MTAP: variants seen among roughly 807,000 people sequenced by gnomAD.
MTAP encodes S-methyl-5'-thioadenosine phosphorylase.
In MTAP, 33 loss-of-function variants were observed where a neutral mutation model predicts 33.6. The observed-to-expected ratio is 0.98, with a 90% confidence interval of 0.74 to 1.31. The LOEUF is 1.31. Among genes scored for constraint, MTAP ranks in the 40% most tolerant of loss-of-function variants. The pLI is 0.00. For synonymous variants in MTAP, 148 were observed against 125.7 expected, an observed-to-expected ratio of 1.18 and a Z score of -1.19; for missense variants, 367 against 360.0, an observed-to-expected ratio of 1.02 and a Z score of -0.16.
At chr9:21,903,487 A>G (rs936837404) in intron 1 of MTAP, among the ~76,000 whole-genome samples, 11 of 152,144 alleles carry the variant, frequency 7.2e-5, no homozygotes, top group Non-Finnish European at 1.6e-4. Context: ...CATCTGTCCT[A>G]GAGACACTCT....
At chr9:21,817,896 A>T in intron 3 of MTAP, 139 bp from the exon 4 acceptor site, 1 of 748,878 alleles carries the variant, frequency 1.3e-6, no homozygotes, top group Non-Finnish European at 2.0e-6. Flanking sequence ...TTAGTTGCTC[A>T]CTGGACTGGG....
intron 4 of MTAP, among the ~76,000 whole-genome samples, chr9:21,824,416 G>A (rs751856899): frequency 6.2e-4 from 94 of 152,186 alleles, no homozygotes; most frequent in African/African-American, 1.9e-3. Flanking sequence ...GCAGAACGGC[G>A]AATGTTGCTG....
At chr9:21,882,569 T>C (rs915815964) in intron 1 of MTAP, among the ~76,000 whole-genome samples, 2 of 152,000 alleles carry the variant, frequency 1.3e-5, no homozygotes, top group African/African-American at 4.8e-5. Context: ...CTCTTACAAA[T>C]TGATGTGTCA....
At position 21,844,835 on chromosome 9, in the gene MTAP, T is replaced by C. The variant is rs539768943; in HGVS notation, c.450+6825T>C. 7.2e-5 allele frequency among the ~76,000 whole-genome samples: 11 copies of C among 152,120 alleles called. No individual in the cohort carries two copies. In the East Asian group the frequency reaches 9.7e-4, roughly 13 times the overall value. ...GGATCACAAGGTCAGATCGAGACCA[T>C]CCTGGCTAACACGGTGAAACCCCAT... On this transcript the variant is annotated intron_variant, in intron 5 of 7. Coordinates refer to ENST00000644715, the MANE Select transcript of MTAP (RefSeq NM_002451.4).
intron 5 of MTAP, among the ~76,000 whole-genome samples, chr9:21,852,727 G>C (rs1308029555): frequency 1.3e-5 from 2 of 151,266 alleles, no homozygotes; most frequent in Non-Finnish European, 2.9e-5. Context: ...AAAAAGCCTG[G>C]TAATAATGGT....
At chr9:21,893,756 A>C (rs1235901312) in intron 1 of MTAP, 1 of 152,152 alleles carries the variant, frequency 6.6e-6, no homozygotes, top group Non-Finnish European at 1.5e-5. Context: ...ATCAGTAACA[A>C]AAACCTGTCA....
rs1177679017 is a variant in MTAP at position 21,859,307 on chromosome 9, C to T, written c.695C>T (p.Ser232Leu). 8 of 1,607,414 alleles carry T rather than the reference C, an allele frequency of 5.0e-6. 1 individual carries two copies. Among genetic ancestry groups the T allele is most frequent in the East Asian group, 4.5e-5 (2 of 44,730 alleles). ...DCWKEHEEAV[S>L]VDRVLKTLKE... ...CCAGTGCTATTGTTTCTCTAGGTTT[C>T]GGTGGACCGGGTCTTAAAGACCCTG... The change falls in exon 7 of 8, where the codon TCG (serine) becomes TTG (leucine). Residue 232 changes from serine to leucine, a missense_variant. Ser to Leu is a moderately radical substitution (Grantham distance 145). Coordinates refer to ENST00000644715, the MANE Select transcript of MTAP (RefSeq NM_002451.4).
At chr9:21,850,467 A>G (rs898001286) in intron 5 of MTAP, among the ~76,000 whole-genome samples, 3 of 152,198 alleles carry the variant, frequency 2.0e-5, no homozygotes, top group African/African-American at 7.2e-5. Flanking sequence ...AGGCTCTGCA[A>G]CAGTTCCAGG....
At chr9:21,927,713 G>A (rs73442453) in intron 1 of MTAP, among the ~76,000 whole-genome samples, 6,721 of 152,232 alleles carry the variant, frequency 0.044, 476 homozygotes, top group African/African-American at 0.14. Context: ...TGTCCCTGGG[G>A]ACCTCAGTGC....
chr9:21,856,278 T>A, intron 6 of MTAP: 1 of 608,282 alleles, frequency 1.6e-6, no homozygotes, highest in Non-Finnish European at 2.1e-6. Flanking sequence ...AGAGAGTTTG[T>A]TTTACTATCT....
intron 5 of MTAP, among the ~76,000 whole-genome samples, chr9:21,846,737 C>T (rs1289230782): frequency 1.3e-5 from 2 of 152,286 alleles, no homozygotes; most frequent in South Asian, 2.1e-4. Flanking sequence ...TATGCGTCTA[C>T]CCAGAGGAAA....
chr9:21,901,870 A>T (rs1483890020), intron 1 of MTAP, among the ~76,000 whole-genome samples: 1 of 152,178 alleles, frequency 6.6e-6, no homozygotes, highest in Non-Finnish European at 1.5e-5. Flanking sequence ...TGTAGAGATT[A>T]CTCTGTGTGC....
chr9:21,808,668 G>T, intron 1 of MTAP: 1 of 151,732 alleles, frequency 6.6e-6, no homozygotes, highest in Non-Finnish European at 1.5e-5. Context: ...TCCAAAATGA[G>T]TCTTACAGGG....
rs928581219 is a variant in MTAP at position 21,863,566 on chromosome 9, T to C, written c.*1552T>C. 3.6e-6 allele frequency: 3 copies of C among 835,724 alleles called. No homozygotes were observed. Among genetic ancestry groups the C allele is most frequent in the Non-Finnish European group, 4.3e-6 (3 of 694,182 alleles). The allele number at this position is 835,724 out of a possible 1,614,324, so 51.8% of individuals were successfully genotyped here. On this transcript the variant is annotated 3_prime_UTR_variant, in exon 8 of 8. Transcript: ENST00000644715. ...AGCTTGCAGTGAGCAGAGCTTGCAG[T>C]GAGACGAGCTTGTGCCACTGCACTC...
At chr9:21,852,489 G>A (rs891988733) in intron 5 of MTAP, among the ~76,000 whole-genome samples, 2 of 141,320 alleles carry the variant, frequency 1.4e-5, no homozygotes, top group Non-Finnish European at 3.0e-5. Context: ...CAGCGTGGGC[G>A]ACAGAGTGAG....
intron 1 of MTAP, chr9:21,803,088 T>G (rs1049307288): frequency 4.8e-6 from 3 of 630,266 alleles, no homozygotes; most frequent in Non-Finnish European, 7.2e-6. Flanking sequence ...GGCACCCCTT[T>G]AGAGAGAGAG....
chr9:21,840,833 G>C (rs1473772895), intron 5 of MTAP, among the ~76,000 whole-genome samples: 1 of 152,208 alleles, frequency 6.6e-6, no homozygotes, highest in East Asian at 1.9e-4. Context: ...CAGGTGGGAA[G>C]GGGTGAGGTC....
chr9:21,826,604 T>C (rs1229084562), intron 4 of MTAP, among the ~76,000 whole-genome samples: 6 of 105,092 alleles, frequency 5.7e-5, no homozygotes, highest in Non-Finnish European at 1.1e-4. Context: ...GGTGCTGGGG[T>C]TTTGTTTATT....
At chr9:21,890,155 A>T (rs990523728) in intron 1 of MTAP, among the ~76,000 whole-genome samples, 5 of 151,950 alleles carry the variant, frequency 3.3e-5, no homozygotes, top group African/African-American at 1.2e-4. Flanking sequence ...TCTTAAGCCG[A>T]TGGAGTTATG....
Sources: gnomAD v4.1 joint callset for allele counts (sites outside exome capture counted in the v4.1 genomes callset) on GRCh38, gnomAD v4.1.1 for gene constraint, MANE v1.5 for transcripts, NCBI Gene and HGNC (gene_info 2026-07-23, HGNC 2026-07-21) for gene names.